The following SLC30A9 variants were observed in gnomAD, a reference collection of about 807,000 sequenced individuals.
SLC30A9 encodes the protein solute carrier family 30 member 9.
In SLC30A9, 58 loss-of-function variants were observed where a neutral mutation model predicts 87.5. The ratio of observed to expected loss-of-function variants is 0.66; its 90% confidence interval spans 0.54 to 0.82. SLC30A9 has a LOEUF of 0.82. Among genes scored for constraint, SLC30A9 ranks in the 40% least tolerant of loss-of-function variants. SLC30A9 has a pLI of 0.00. For synonymous variants in SLC30A9, 234 were observed against 233.0 expected, an observed-to-expected ratio of 1.00 and a Z score of -0.04; for missense variants, 557 against 679.1, an observed-to-expected ratio of 0.82 and a Z score of 2.00.
Position 42,070,551 on chromosome 4 carries a change from T to G in SLC30A9, c.1278T>G (p.Gly426=). 1 of 1,613,530 alleles carries G rather than the reference T, an allele frequency of 6.2e-7. No homozygotes were observed. The highest frequency in any genetic ancestry group is 8.5e-7 in the Non-Finnish European group (1 of 1,179,706). Residue 426 remains glycine, a synonymous_variant, in exon 15 of 18, where the codon GGT becomes GGG. Transcript: ENST00000264451. The part of the protein sequence containing the change: ...ITGNPLYDSL[G]SLGVGTLLGM... ...GCAATCCACTGTATGACAGCCTAGG[T>G]TCTTTGGGTGTGGGCACCTTATTAG...
intron 1 of SLC30A9, among the ~76,000 whole-genome samples, chr4:42,000,539 C>T (rs1714937150): frequency 6.6e-6 from 1 of 152,108 alleles, no homozygotes; most frequent in Non-Finnish European, 1.5e-5. Flanking sequence ...AATCAGTTCA[C>T]ATCAGAAAGT....
chr4:42,051,958 T>G (rs1466756504), intron 9 of SLC30A9, among the ~76,000 whole-genome samples: 1 of 150,760 alleles, frequency 6.6e-6, no homozygotes, highest in Non-Finnish European at 1.5e-5. Flanking sequence ...TAAAACTCCT[T>G]AAAATATAAT....
chr4:42,022,244 C>CTTTTTTTTTTTTTTT (rs113214269), intron 4 of SLC30A9, among the ~76,000 whole-genome samples: 1 of 128,570 alleles, frequency 7.8e-6, no homozygotes, highest in Non-Finnish European at 1.6e-5. Flanking sequence ...TTATTTTTCA[C>CTTTTTTTTTTTTTTT]TTTTTTTTTT....
At position 42,018,177 on chromosome 4, in the gene SLC30A9, A is replaced by G. The variant is rs115189202; in HGVS notation, c.334+7A>G. 0.011 allele frequency: 16,604 copies of G among 1,478,846 alleles called. 123 individuals carry two copies. Among genetic ancestry groups the G allele is most frequent in the South Asian group, 0.014 (1,187 of 85,730 alleles). The allele number at this position is 1,478,846 out of a possible 1,614,324, so 91.6% of individuals were successfully genotyped here. On this transcript the variant is annotated splice_region_variant and intron_variant, in intron 3 of 17. Transcript: ENST00000264451. Reference sequence around the variant, plus strand: ...GAACCTCTCCAAGTAAGAGGTAAATATATTTTATCCTATTTTTGTATTATA... The same window carrying G: ...GAACCTCTCCAAGTAAGAGGTAAATGTATTTTATCCTATTTTTGTATTATA...
At chr4:41,991,304 G>T (rs1194658687) in intron 1 of SLC30A9, among the ~76,000 whole-genome samples, 1 of 152,200 alleles carries the variant, frequency 6.6e-6, no homozygotes, top group South Asian at 2.1e-4. Context: ...CCCAGTTTGG[G>T]TCCGAAAAAC....
intron 6 of SLC30A9, among the ~76,000 whole-genome samples, chr4:42,025,480 T>C (rs1432743951): frequency 6.6e-6 from 1 of 152,190 alleles, no homozygotes; most frequent in Non-Finnish European, 1.5e-5. Context: ...TCAGGAGGAA[T>C]AAGGAGTATA....
chr4:42,019,661 G>T (rs538676441), intron 3 of SLC30A9, among the ~76,000 whole-genome samples: 2 of 152,066 alleles, frequency 1.3e-5, no homozygotes, highest in African/African-American at 4.8e-5. Flanking sequence ...ATATGTAAAT[G>T]AAACAAAGGT....
At chr4:42,077,491 GC>G (rs1718603066) in intron 16 of SLC30A9, among the ~76,000 whole-genome samples, 1 of 151,882 alleles carries the variant, frequency 6.6e-6, no homozygotes, top group South Asian at 2.1e-4. Context: ...TGCAACCTCC[GC>G]CCCCCAGGTT....
chr4:42,038,235 A>G (rs1408090900), intron 7 of SLC30A9, among the ~76,000 whole-genome samples: 1 of 152,112 alleles, frequency 6.6e-6, no homozygotes, highest in African/African-American at 2.4e-5. Flanking sequence ...CCCGTTTTCT[A>G]CAGCCTTCTT....
Position 42,049,533 on chromosome 4 carries a change from T to C in SLC30A9, c.840+54T>C, listed in dbSNP as rs1279239599. The C allele has an allele frequency of 5.3e-6, 5 of 945,046 alleles. No individual in the cohort carries two copies. In the East Asian group the frequency reaches 1.3e-4, roughly 25 times the overall value. 58.5% of individuals were successfully genotyped at this position (945,046 alleles called of 1,614,324 possible). On this transcript the variant is annotated intron_variant, in intron 9 of 17. Transcript: ENST00000264451. ...AATTTTAAAGTAATAGTTGTAGGCT[T>C]TAATCTAAAAGTTGATCTATTTTAA...
At chr4:42,075,627 T>C in intron 15 of SLC30A9, 30 bp from the exon 16 acceptor site, 3 of 1,598,558 alleles carry the variant, frequency 1.9e-6, no homozygotes, top group Non-Finnish European at 2.6e-6. Flanking sequence ...TATGTATAAA[T>C]AAATTTGTAT....
Position 42,020,474 on chromosome 4 carries a change from C to A in SLC30A9, c.393C>A (p.Ile131=). 1 of 1,603,702 alleles carries A rather than the reference C, an allele frequency of 6.2e-7. No homozygotes were observed. Among genetic ancestry groups the A allele is most frequent in the South Asian group, 1.1e-5 (1 of 90,510 alleles). Residue 131 remains isoleucine, a synonymous_variant, in exon 4 of 18, where the codon ATC becomes ATA. Coordinates refer to ENST00000264451, the MANE Select transcript of SLC30A9 (RefSeq NM_006345.4). ...CAAAGTACACTCAGAATAATTTCAT[C>A]ACTGGAGTCAGAGCGATAAATGAGT... The part of the protein sequence containing the change: ...YGSKYTQNNF[I]TGVRAINEFC...
chr4:41,999,037 A>C lies in SLC30A9; in HGVS notation c.110-2579A>C, dbSNP rs1413007277. ...AGATTATGAAGATAGTGTCAAAAGC[A>C]CTTAGGAGTCAATTTTAAGAGGCCT... On this transcript the variant is annotated intron_variant, in intron 1 of 17. Coordinates refer to ENST00000264451, the MANE Select transcript of SLC30A9 (RefSeq NM_006345.4). Among the ~76,000 whole-genome samples the C allele has an allele frequency of 2.6e-5, 4 of 152,326 alleles. No homozygotes were observed. In the East Asian group the frequency reaches 5.8e-4, roughly 22 times the overall value.
intron 6 of SLC30A9, among the ~76,000 whole-genome samples, chr4:42,028,110 G>A (rs1286562444): frequency 6.6e-6 from 1 of 152,136 alleles, no homozygotes; most frequent in Admixed American, 6.6e-5. Flanking sequence ...CCACAGGCAA[G>A]AATTTATTTT....
chr4:41,993,097 C>T lies in SLC30A9; in HGVS notation c.109+2337C>T, dbSNP rs554599424. On this transcript the variant is annotated intron_variant, in intron 1 of 17. Transcript: ENST00000264451. ...TTGTAATTTTGAGTTGTCTGATAGCCACATTAAAAAAAGTAAAATTAAAGA... is the reference window on the plus strand; with the variant it reads ...TTGTAATTTTGAGTTGTCTGATAGCTACATTAAAAAAAGTAAAATTAAAGA... Among the ~76,000 whole-genome samples, 42 of 150,518 alleles carry T rather than the reference C, an allele frequency of 2.8e-4. No homozygotes were observed. The East Asian group carries it at 7.4e-3, about 27-fold the overall frequency.
chr4:41,995,087 G>A (rs1231887616), intron 1 of SLC30A9, among the ~76,000 whole-genome samples: 2 of 151,360 alleles, frequency 1.3e-5, no homozygotes, highest in African/African-American at 4.9e-5. Context: ...GCAAAAACCT[G>A]TCTCTACTAA....
At chr4:42,043,194 G>A (rs781774421) in intron 8 of SLC30A9, among the ~76,000 whole-genome samples, 8 of 152,212 alleles carry the variant, frequency 5.3e-5, no homozygotes, top group Non-Finnish European at 8.8e-5. Flanking sequence ...ACAACTCCTC[G>A]CCAGCAAGGG....
chr4:41,997,610 TA>T (rs1714777074), intron 1 of SLC30A9, among the ~76,000 whole-genome samples: 2 of 152,206 alleles, frequency 1.3e-5, no homozygotes, highest in Admixed American at 6.5e-5. Context: ...TCCTTGTTAT[TA>T]AAAGTTTTTA....
intron 1 of SLC30A9, among the ~76,000 whole-genome samples, chr4:41,991,269 A>G (rs1714426741): frequency 6.6e-6 from 1 of 152,258 alleles, no homozygotes; most frequent in African/African-American, 2.4e-5. Context: ...AGAAGTACGA[A>G]AGTATCCGAC....
Sources: allele counts gnomAD v4.1 joint callset (sites outside exome capture counted in the v4.1 genomes callset), GRCh38; gene constraint gnomAD v4.1.1; transcripts MANE v1.5; gene names NCBI Gene and HGNC (gene_info 2026-07-23, HGNC 2026-07-21).